ADGRV1: variants seen among roughly 807,000 people sequenced by gnomAD.
ADGRV1 encodes the protein G-protein coupled receptor 98.
In ADGRV1, 359 loss-of-function variants were observed where a neutral mutation model predicts 596.2. That is an observed-to-expected ratio of 0.60 (90% CI 0.55 to 0.66). The LOEUF (loss-of-function observed/expected upper bound fraction) is 0.66, where lower values mean the gene tolerates loss of function less well. Ranked by LOEUF, ADGRV1 falls within the 30% of genes least tolerant of loss-of-function variation. ADGRV1 has a pLI of 0.00. For synonymous variants in ADGRV1, 2,681 were observed against 2,679.2 expected (o/e 1.00, Z -0.02); for missense variants, 7,274 against 7,575.6 (o/e 0.96, Z 1.48).
intron 29 of ADGRV1, among the ~76,000 whole-genome samples, chr5:90,687,632 T>C (rs1473098099): frequency 1.3e-5 from 2 of 152,170 alleles, no homozygotes; most frequent in African/African-American, 4.8e-5. Flanking sequence ...GATGACATGA[T>C]TGTATATCTA....
In ADGRV1 at chr5:90,653,414, T is replaced by G. The variant is rs1396288461; in HGVS notation, c.3840T>G (p.Asp1280Glu). 2 of 1,613,978 alleles carry G rather than the reference T, an allele frequency of 1.2e-6. No individual in the cohort carries two copies. The highest frequency in any genetic ancestry group is 3.3e-5 in the Admixed American group (2 of 59,998). ...TGAGGCAGCAGGGTGTGTTTGGTGA[T>G]GTACAACTGGGCTGGGAAATACTGT... Reference protein sequence around the residue: ...TILRQQGVFGDVQLGWEILSS... With the variant: ...TILRQQGVFGEVQLGWEILSS... Residue 1280 changes from aspartate to glutamate, a missense_variant, in exon 20 of 90, where the codon GAT (aspartate) becomes GAG (glutamate). Physicochemically the swap from Asp to Glu is conservative, Grantham distance 45. Transcript: ENST00000405460.
At position 90,627,424 on chromosome 5, in the gene ADGRV1, T is replaced by C; in HGVS notation, c.886T>C (p.Ser296Pro). The C allele has an allele frequency of 6.2e-7, 1 of 1,613,874 alleles. No individual in the cohort carries two copies. Among genetic ancestry groups the C allele is most frequent in the Non-Finnish European group, 8.5e-7 (1 of 1,179,776 alleles). Residue 296 changes from serine to proline, a missense_variant, in exon 7 of 90, where the codon TCT becomes CCT. Ser to Pro is a moderately conservative substitution (Grantham distance 74). Transcript: ENST00000405460. ...GKDNNGNLIG[S>P]DEYEVSISYA... ...GGACAACAATGGAAATCTGATTGGATCTGATGAATATGAGGTTTCAATCAG... is the reference window on the plus strand; with the variant it reads ...GGACAACAATGGAAATCTGATTGGACCTGATGAATATGAGGTTTCAATCAG...
At chr5:91,146,415 T>C (rs1410723765) in intron 87 of ADGRV1, among the ~76,000 whole-genome samples, 2 of 152,342 alleles carry the variant, frequency 1.3e-5, no homozygotes, top group South Asian at 4.1e-4. Context: ...GCCCAGCAAT[T>C]GTCAAGAGTT....
chr5:90,770,015 G>T (rs1757525744), intron 59 of ADGRV1, among the ~76,000 whole-genome samples: 2 of 152,118 alleles, frequency 1.3e-5, no homozygotes, highest in Admixed American at 6.5e-5. Context: ...GTGGCCTGGA[G>T]TTCAAAGAAG....
intron 83 of ADGRV1, among the ~76,000 whole-genome samples, chr5:90,909,938 G>A (rs571049555): frequency 1.1e-4 from 16 of 152,314 alleles, no homozygotes; most frequent in Admixed American, 3.9e-4. Context: ...ATTGTGGATT[G>A]ACCCAAGTCA....
intron 87 of ADGRV1, among the ~76,000 whole-genome samples, chr5:91,131,517 C>T (rs1364973036): frequency 1.3e-5 from 2 of 149,646 alleles, no homozygotes; most frequent in African/African-American, 4.9e-5. Flanking sequence ...GTGGCATGAT[C>T]TCGGCTCACT....
chr5:91,149,501 G>A (rs1199615901), intron 87 of ADGRV1, among the ~76,000 whole-genome samples: 1 of 152,098 alleles, frequency 6.6e-6, no homozygotes, highest in East Asian at 1.9e-4. Context: ...CCAGCCATGT[G>A]GAACTGTGAG....
At chr5:90,973,989 A>C (rs1359373578) in intron 84 of ADGRV1, among the ~76,000 whole-genome samples, 4 of 152,248 alleles carry the variant, frequency 2.6e-5, no homozygotes, top group Non-Finnish European at 5.9e-5. Context: ...CTGATAAGCA[A>C]CTTCAGCAAA....
intron 2 of ADGRV1, among the ~76,000 whole-genome samples, chr5:90,616,602 C>T (rs768361743): frequency 3.3e-5 from 5 of 151,784 alleles, no homozygotes; most frequent in Admixed American, 2.0e-4. Flanking sequence ...AATAGTTGTA[C>T]GTATTTTGGG....
intron 14 of ADGRV1, 88 bp downstream of exon 14, chr5:90,644,071 T>A: frequency 4.3e-6 from 4 of 936,536 alleles, no homozygotes; most frequent in Non-Finnish European, 6.2e-6. Flanking sequence ...ACTAGTTATT[T>A]CTAGTTGCTC....
chr5:90,581,187 G>A (rs1757995864), intron 1 of ADGRV1, among the ~76,000 whole-genome samples: 2 of 152,096 alleles, frequency 1.3e-5, no homozygotes, highest in African/African-American at 2.4e-5. Flanking sequence ...GCTTCCTTGC[G>A]ATAGGTTAGA....
At chr5:91,075,081 A>G (rs1193462845) in intron 86 of ADGRV1, among the ~76,000 whole-genome samples, 1 of 152,050 alleles carries the variant, frequency 6.6e-6, no homozygotes, top group Admixed American at 6.6e-5. Context: ...GGTTCTGGAT[A>G]TTAGACCATT....
intron 85 of ADGRV1, among the ~76,000 whole-genome samples, chr5:90,995,472 C>A (rs973024358): frequency 6.6e-6 from 1 of 152,160 alleles, no homozygotes; most frequent in African/African-American, 2.4e-5. Context: ...TCTGTACAGC[C>A]TGTGGAACTG....
intron 67 of ADGRV1, among the ~76,000 whole-genome samples, chr5:90,787,715 C>T (rs1329982336): frequency 4.6e-5 from 7 of 151,336 alleles, no homozygotes; most frequent in South Asian, 2.1e-4. Context: ...GTTTCAGCTC[C>T]GAGTAGCTGG....
chr5:91,083,811 T>C (rs1404221541), intron 86 of ADGRV1, among the ~76,000 whole-genome samples: 2 of 152,180 alleles, frequency 1.3e-5, no homozygotes, highest in Admixed American at 6.5e-5. Flanking sequence ...CATGCACATA[T>C]AGTCCCAGCT....
At chr5:91,148,989 A>G (rs924198632) in intron 87 of ADGRV1, among the ~76,000 whole-genome samples, 1 of 152,020 alleles carries the variant, frequency 6.6e-6, no homozygotes, top group Admixed American at 6.6e-5. Flanking sequence ...TTGACCAATT[A>G]CTCACATTTG....
At position 90,615,017 on chromosome 5, in the gene ADGRV1, T is replaced by A; in HGVS notation, c.205T>A (p.Ser69Thr). The A allele has an allele frequency of 7.0e-7, 1 of 1,427,432 alleles. No individual in the cohort carries two copies. Among genetic ancestry groups the A allele is most frequent in the East Asian group, 2.5e-5 (1 of 40,074 alleles). The allele number at this position is 1,427,432 out of a possible 1,614,324, so 88.4% of individuals were successfully genotyped here. A position where few individuals can be genotyped will look rare whatever the true frequency, so the allele number is the denominator to read the frequency against. ...GCCAGCAAATGTTACTGCAATTGTA[T>A]CGGTAAGAAATTATTATAGCTCTAT... is the stretch of plus-strand genomic sequence containing the variant. ...GEPANVTAIV[S>T]LYGEDAGDFF... is the part of the protein sequence containing the mutation. The change falls in exon 2 of 90, where the codon TCG becomes ACG. Residue 69 changes from serine (S) to threonine (T), a missense_variant and splice_region_variant. Around this residue, in one of 5 missense-constraint regions of ADGRV1, gnomAD observed 1,715 missense variants for 1,708.8 expected, o/e 1.00. Transcript: ENST00000405460.
At chr5:90,564,381 G>C (rs1385796076) in intron 1 of ADGRV1, among the ~76,000 whole-genome samples, 4 of 152,156 alleles carry the variant, frequency 2.6e-5, no homozygotes, top group Admixed American at 1.3e-4. Flanking sequence ...TGGTGGAAGA[G>C]AGGGAGTGGA....
chr5:90,793,832 T>G (rs1760353669), intron 70 of ADGRV1, among the ~76,000 whole-genome samples: 1 of 152,222 alleles, frequency 6.6e-6, no homozygotes, highest in East Asian at 1.9e-4. Context: ...CCCTCTTTTT[T>G]GGTCACTTTA....
Sources: allele counts gnomAD v4.1 joint callset (sites outside exome capture counted in the v4.1 genomes callset), GRCh38; gene constraint gnomAD v4.1.1; regional missense constraint gnomAD v4.1.1; transcripts MANE v1.5; gene names NCBI Gene and HGNC (gene_info 2026-07-23, HGNC 2026-07-21).